The following GPR158 variants were observed in gnomAD, a reference collection of about 807,000 sequenced individuals.
GPR158 encodes the protein metabotropic glycine receptor.
A neutral mutation model predicts 78.2 loss-of-function variants in GPR158; 30 were observed. The observed-to-expected ratio is 0.38, with a 90% CI of 0.29 to 0.52. The LOEUF (loss-of-function observed/expected upper bound fraction) is 0.52, where lower values mean the gene tolerates loss of function less well. Ranked by LOEUF, GPR158 falls within the 20% of genes least tolerant of loss-of-function variation. The pLI is 0.83. For synonymous variants in GPR158, 581 were observed against 591.1 expected (o/e 0.98, Z 0.25); for missense variants, 1,463 against 1,523.5 (o/e 0.96, Z 0.66).
At chr10:25,260,753 T>C (rs1448583811) in intron 2 of GPR158, among the ~76,000 whole-genome samples, 2 of 152,128 alleles carry the variant, frequency 1.3e-5, no homozygotes, top group African/African-American at 4.8e-5. Flanking sequence ...ACACTCAGGC[T>C]CTAGGTTAGC....
chr10:25,411,791 C>T (rs572494631), intron 3 of GPR158, among the ~76,000 whole-genome samples: 16 of 151,532 alleles, frequency 1.1e-4, no homozygotes, highest in Non-Finnish European at 2.1e-4. Context: ...AAAAATTAGC[C>T]GGGCGTGGTG....
At chr10:25,317,406 A>T (rs1156669510) in intron 2 of GPR158, among the ~76,000 whole-genome samples, 1 of 151,736 alleles carries the variant, frequency 6.6e-6, no homozygotes, top group Non-Finnish European at 1.5e-5. Context: ...CTCCTTGTTA[A>T]GTTTTAATTC....
In GPR158 at chr10:25,472,297, G is replaced by A. The variant is rs566768020; in HGVS notation, c.1404+5578G>A. Among the ~76,000 whole-genome samples, 251 of 151,624 alleles carry A rather than the reference G, an allele frequency of 1.7e-3. 3 individuals carry two copies. Among genetic ancestry groups the A allele is most frequent in the Admixed American group, 0.014 (207 of 15,224 alleles). ...TAGATGTGTGGTATTATTTCTGAGG[G>A]CTCTGTTCTGTTCCATTGGTCTATA... On this transcript the variant is annotated intron_variant, in intron 5 of 10. Transcript: ENST00000376351.
chr10:25,227,101 C>A (rs1266958921), intron 2 of GPR158, among the ~76,000 whole-genome samples: 1 of 151,968 alleles, frequency 6.6e-6, no homozygotes, highest in Non-Finnish European at 1.5e-5. Flanking sequence ...TTTGAGTTTT[C>A]CACTATGCTC....
chr10:25,405,948 C>T (rs897442848), intron 3 of GPR158, among the ~76,000 whole-genome samples: 5 of 152,034 alleles, frequency 3.3e-5, no homozygotes, highest in Non-Finnish European at 5.9e-5. Flanking sequence ...CCATGTTGTT[C>T]AAATCTGGGT....
chr10:25,524,169 C>T (rs541760159), intron 5 of GPR158, among the ~76,000 whole-genome samples: 5 of 152,290 alleles, frequency 3.3e-5, no homozygotes, highest in Non-Finnish European at 5.9e-5. Flanking sequence ...TCAAGAACTA[C>T]ATAAATGGAA....
At chr10:25,564,723 T>G (rs976605973) in intron 6 of GPR158, among the ~76,000 whole-genome samples, 12 of 152,202 alleles carry the variant, frequency 7.9e-5, no homozygotes, top group Non-Finnish European at 1.8e-4. Flanking sequence ...CAAAGAAAGT[T>G]GAAATGCTGC....
intron 3 of GPR158, among the ~76,000 whole-genome samples, chr10:25,408,330 C>T (rs1834542185): frequency 6.6e-6 from 1 of 152,060 alleles, no homozygotes. Context: ...GATTCACTGT[C>T]CTTTGTTGCT....
intron 2 of GPR158, among the ~76,000 whole-genome samples, chr10:25,240,931 A>C (rs1172944536): frequency 6.6e-6 from 1 of 152,156 alleles, no homozygotes; most frequent in Non-Finnish European, 1.5e-5. Context: ...TTGGCTGCTA[A>C]GATGTTGACT....
intron 5 of GPR158, among the ~76,000 whole-genome samples, chr10:25,544,806 C>T (rs149814628): frequency 0.016 from 2,405 of 152,130 alleles, 35 homozygotes; most frequent in Admixed American, 0.03. Context: ...TTTGCTGCAC[C>T]CATCAACTCA....
intron 2 of GPR158, among the ~76,000 whole-genome samples, chr10:25,268,331 C>T (rs959370773): frequency 2.6e-5 from 4 of 151,912 alleles, no homozygotes; most frequent in Admixed American, 1.3e-4. Context: ...TGTGAGCGTG[C>T]CTGGATAAAC....
chr10:25,246,234 T>A (rs1213472372), intron 2 of GPR158, among the ~76,000 whole-genome samples: 1 of 152,178 alleles, frequency 6.6e-6, no homozygotes, highest in Non-Finnish European at 1.5e-5. Context: ...CCAAATTTGA[T>A]AGTCACTGTA....
intron 6 of GPR158, among the ~76,000 whole-genome samples, chr10:25,561,355 T>G (rs991887706): frequency 6.6e-6 from 1 of 152,218 alleles, no homozygotes; most frequent in African/African-American, 2.4e-5. Context: ...TTTATTCTAA[T>G]AGGTACTTGG....
intron 2 of GPR158, among the ~76,000 whole-genome samples, chr10:25,254,567 A>G (rs1302042867): frequency 6.6e-6 from 1 of 152,220 alleles, no homozygotes; most frequent in Non-Finnish European, 1.5e-5. Flanking sequence ...TCACTAAGTT[A>G]TGAAATAAGT....
At chr10:25,297,410 T>C (rs779737457) in intron 2 of GPR158, among the ~76,000 whole-genome samples, 7 of 146,082 alleles carry the variant, frequency 4.8e-5, no homozygotes, top group Admixed American at 1.4e-4. Context: ...GAATCAGGTG[T>C]GTAAGTATCA....
At chr10:25,245,106 C>T (rs1588754903) in intron 2 of GPR158, among the ~76,000 whole-genome samples, 2 of 152,202 alleles carry the variant, frequency 1.3e-5, no homozygotes, top group Non-Finnish European at 2.9e-5. Context: ...CTACTAATTT[C>T]GTCCATTGCT....
At position 25,479,691 on chromosome 10, in the gene GPR158, A is replaced by G. The variant is rs139906246; in HGVS notation, c.1404+12972A>G. ...TGGCCTCTCATAGTGCTGGGATTACAGGTATGAGCCACCACGCCCGGCCTG... is the reference window on the plus strand; with the variant it reads ...TGGCCTCTCATAGTGCTGGGATTACGGGTATGAGCCACCACGCCCGGCCTG... On this transcript the variant is annotated intron_variant, in intron 5 of 10. Transcript: ENST00000376351. 4.7e-4 allele frequency among the ~76,000 whole-genome samples: 72 copies of G among 152,296 alleles called. No homozygotes were observed. The East Asian group carries it at 0.012, about 25-fold the overall frequency.
At chr10:25,237,742 A>G (rs1853543287) in intron 2 of GPR158, among the ~76,000 whole-genome samples, 1 of 152,190 alleles carries the variant, frequency 6.6e-6, no homozygotes, top group South Asian at 2.1e-4. Context: ...ACTCACTACT[A>G]CTCAGCTAAA....
At chr10:25,288,691 CA>C in intron 2 of GPR158, among the ~76,000 whole-genome samples, 1 of 152,282 alleles carries the variant, frequency 6.6e-6, no homozygotes. Context: ...TTCATTCAGG[CA>C]GGGAACAAAG....
Sources: gnomAD v4.1 joint callset for allele counts (sites outside exome capture counted in the v4.1 genomes callset) on GRCh38, gnomAD v4.1.1 for gene constraint, MANE v1.5 for transcripts, NCBI Gene and HGNC (gene_info 2026-07-23, HGNC 2026-07-21) for gene names.